Variants in GOLIM4 observed in about 807,000 individuals in gnomAD.
GOLIM4 encodes the protein 130 kDa golgi-localized phosphoprotein.
GOLIM4 carries 71 observed loss-of-function variants against 107.4 expected under a neutral mutation model. The ratio of observed to expected loss-of-function variants is 0.66; its 90% CI spans 0.55 to 0.81. The LOEUF (loss-of-function observed/expected upper bound fraction) is 0.81, where lower values mean the gene tolerates loss of function less well. Ranked by LOEUF, GOLIM4 falls within the 30% of genes least tolerant of loss-of-function variation. The probability of loss-of-function intolerance (pLI) is 0.00; values close to 1 mark genes in which losing one functional copy is unlikely to be tolerated. For missense variants in GOLIM4, 830 were observed against 826.1 expected, an observed-to-expected ratio of 1.00 and a Z score of -0.06; for synonymous variants, 327 against 294.8, an observed-to-expected ratio of 1.11 and a Z score of -1.12.
Position 168,095,210 on chromosome 3 carries a change from A to G in GOLIM4, c.76T>C (p.Phe26Leu). 6.2e-7 allele frequency: 1 copy of G among 1,613,776 alleles called. No individual in the cohort carries two copies. The highest frequency in any genetic ancestry group is 8.5e-7 in the Non-Finnish European group (1 of 1,179,996). Residue 26 changes from phenylalanine (F) to leucine (L), a missense_variant, in exon 1 of 16, where the codon TTT becomes CTT. Phe to Leu is a conservative substitution (Grantham distance 22). Transcript: ENST00000470487. ...TLLLLTVVFGFLYGAMLYYEL... is the reference protein window; with the variant it reads ...TLLLLTVVFGLLYGAMLYYEL... Reference sequence around the variant, plus strand: ...TAGTAGAGCATCGCGCCGTAGAGAAAGCCGAACACGACGGTCAGCAGCAGC... The same window carrying G: ...TAGTAGAGCATCGCGCCGTAGAGAAGGCCGAACACGACGGTCAGCAGCAGC...
At chr3:168,050,789 T>C (rs956048540) in intron 1 of GOLIM4, among the ~76,000 whole-genome samples, 3 of 150,214 alleles carry the variant, frequency 2.0e-5, no homozygotes, top group African/African-American at 7.4e-5. Context: ...AAGTCCCCAG[T>C]ATAGGCGGAA....
intron 1 of GOLIM4, among the ~76,000 whole-genome samples, chr3:168,078,246 T>C (rs114681775): frequency 0.023 from 3,503 of 152,304 alleles, 133 homozygotes; most frequent in African/African-American, 0.08. Context: ...AAATAGGACA[T>C]ATTTTTGTTT....
intron 1 of GOLIM4, among the ~76,000 whole-genome samples, chr3:168,093,611 C>A (rs78121346): frequency 0.025 from 3,784 of 152,260 alleles, 141 homozygotes; most frequent in African/African-American, 0.078. Flanking sequence ...GCAACTGATA[C>A]CTTGTAAATA....
chr3:168,049,779 T>C (rs1483526189), intron 1 of GOLIM4, among the ~76,000 whole-genome samples: 2 of 152,202 alleles, frequency 1.3e-5, no homozygotes, highest in Non-Finnish European at 2.9e-5. Flanking sequence ...TCCATTGTTA[T>C]GATGGCCAAC....
At chr3:168,020,122 A>T (rs1010283380) in intron 14 of GOLIM4, among the ~76,000 whole-genome samples, 5 of 152,180 alleles carry the variant, frequency 3.3e-5, no homozygotes, top group African/African-American at 1.2e-4. Flanking sequence ...CAATAAATAA[A>T]AGCTATGCAA....
intron 1 of GOLIM4, among the ~76,000 whole-genome samples, chr3:168,076,732 T>C (rs1373232385): frequency 6.6e-6 from 1 of 152,214 alleles, no homozygotes; most frequent in African/African-American, 2.4e-5. Flanking sequence ...TGGTTAATCA[T>C]ATCATCTTTT....
At chr3:168,027,968 G>A (rs1228562560) in intron 11 of GOLIM4, 131 bp from the exon 12 acceptor site, 4 of 659,312 alleles carry the variant, frequency 6.1e-6, no homozygotes, top group African/African-American at 1.8e-5. Context: ...TCAACATAAG[G>A]CCTATGTCCT....
rs536999094 is a variant in GOLIM4, at chr3:168,090,493, G to A, written c.187+4606C>T. On this transcript the variant is annotated intron_variant, in intron 1 of 15. Coordinates refer to ENST00000470487, the MANE Select transcript of GOLIM4 (RefSeq NM_014498.5). The stretch of plus-strand genomic sequence containing the variant: ...GATACCATCTTACACTAGTCAGAAC[G>A]GCTTTTATTAAAAAGTCAAAAAACA... Among the ~76,000 whole-genome samples the A allele has an allele frequency of 1.7e-4, 26 of 152,168 alleles. 1 individual carries two copies. The South Asian group carries it at 5.2e-3, about 30-fold the overall frequency.
chr3:168,081,191 G>A (rs376676021), intron 1 of GOLIM4, among the ~76,000 whole-genome samples: 16 of 152,152 alleles, frequency 1.1e-4, no homozygotes, highest in African/African-American at 3.4e-4. Context: ...CTGGATCAAG[G>A]ACAATGTGCC....
intron 1 of GOLIM4, among the ~76,000 whole-genome samples, chr3:168,094,832 T>C (rs1197481865): frequency 6.6e-6 from 1 of 152,220 alleles, no homozygotes; most frequent in African/African-American, 2.4e-5. Context: ...GGACTATCTG[T>C]GCACCCGCCC....
At chr3:168,044,922 T>G (rs772247253) in intron 3 of GOLIM4, 41 bp from the exon 4 acceptor site, 1 of 1,156,524 alleles carries the variant, frequency 8.6e-7, no homozygotes, top group Non-Finnish European at 1.3e-6. Flanking sequence ...AAGATAAATA[T>G]GGCTCTCTTG....
chr3:168,085,049 T>G (rs1286876396), intron 1 of GOLIM4, among the ~76,000 whole-genome samples: 1 of 152,274 alleles, frequency 6.6e-6, no homozygotes, highest in East Asian at 1.9e-4. Flanking sequence ...TTCTTCTTAC[T>G]GTCTTATGGT....
chr3:168,091,493 T>C (rs1721913286), intron 1 of GOLIM4, among the ~76,000 whole-genome samples: 1 of 152,218 alleles, frequency 6.6e-6, no homozygotes, highest in Non-Finnish European at 1.5e-5. Context: ...GGTCCTTTCT[T>C]CTGATTAAAG....
intron 14 of GOLIM4, among the ~76,000 whole-genome samples, chr3:168,021,229 G>A (rs557248935): frequency 3.5e-4 from 53 of 152,328 alleles, no homozygotes; most frequent in Non-Finnish European, 5.9e-4. Flanking sequence ...TATTATGGGT[G>A]TGCCAGGGCA....
chr3:168,033,068 T>C lies in GOLIM4; in HGVS notation c.844-216A>G, dbSNP rs560354788. Among the ~76,000 whole-genome samples, 22 of 152,294 alleles carry C rather than the reference T, an allele frequency of 1.4e-4. No homozygotes were observed. The South Asian group carries it at 4.4e-3, about 30-fold the overall frequency. The stretch of plus-strand genomic sequence containing the variant: ...GACATAATATAAGCAAAACTTCATC[T>C]GTGAAGAATACAGTAAATAACCTGG... On this transcript the variant is annotated intron_variant, in intron 8 of 15. Transcript: ENST00000470487.
chr3:168,041,724 A>C (rs1719014643), intron 5 of GOLIM4, among the ~76,000 whole-genome samples: 1 of 152,180 alleles, frequency 6.6e-6, no homozygotes, highest in African/African-American at 2.4e-5. Context: ...GACAAAAGAT[A>C]AGGAATTTTT....
chr3:168,040,936 G>A (rs912818656), intron 6 of GOLIM4, 67 bp from the exon 7 acceptor site: 5 of 976,828 alleles, frequency 5.1e-6, no homozygotes, highest in South Asian at 1.3e-5. Flanking sequence ...TTGGCTGATC[G>A]TGATATGGCT....
intron 1 of GOLIM4, among the ~76,000 whole-genome samples, chr3:168,048,568 C>G (rs1719444693): frequency 5.9e-5 from 9 of 152,166 alleles, no homozygotes; most frequent in Admixed American, 5.9e-4. Context: ...TCCAGCCTGC[C>G]CTTTTCTAAA....
At chr3:168,091,229 C>T (rs1256471252) in intron 1 of GOLIM4, among the ~76,000 whole-genome samples, 1 of 152,130 alleles carries the variant, frequency 6.6e-6, no homozygotes, top group East Asian at 1.9e-4. Flanking sequence ...AACATATAAA[C>T]CTTACATAAA....
Sources: allele counts gnomAD v4.1 joint callset (sites outside exome capture counted in the v4.1 genomes callset), GRCh38; gene constraint gnomAD v4.1.1; transcripts MANE v1.5; gene names NCBI Gene and HGNC (gene_info 2026-07-23, HGNC 2026-07-21).